VPS13B: variants seen among roughly 807,000 people sequenced by gnomAD.
The protein encoded by VPS13B is vacuolar protein sorting 13 homolog B.
A neutral mutation model predicts 426.4 loss-of-function variants in VPS13B; 285 were observed. The ratio of observed to expected loss-of-function variants is 0.67; its 90% CI spans 0.61 to 0.74. VPS13B has a LOEUF of 0.74. Among genes scored for constraint, VPS13B ranks in the 30% least tolerant of loss-of-function variants. The pLI is 0.00. For synonymous variants in VPS13B, 1,676 were observed against 1,676.4 expected (o/e 1.00, Z 0.01); for missense variants, 4,537 against 4,782.6 (o/e 0.95, Z 1.51).
intron 21 of VPS13B, among the ~76,000 whole-genome samples, chr8:99,399,470 G>A (rs927733578): frequency 1.3e-5 from 2 of 152,070 alleles, no homozygotes. Context: ...GTAGATGATT[G>A]TAGCCGTAGA....
chr8:99,233,896 C>T (rs561863087), intron 17 of VPS13B: 3 of 784,520 alleles, frequency 3.8e-6, no homozygotes, highest in Non-Finnish European at 7.1e-6. Flanking sequence ...CTTCAGAAGT[C>T]CCCTCTGGGG....
At chr8:99,286,472 A>G (rs1206516877) in intron 19 of VPS13B, among the ~76,000 whole-genome samples, 1 of 152,200 alleles carries the variant, frequency 6.6e-6, no homozygotes, top group African/African-American at 2.4e-5. Flanking sequence ...TTGATCAGTA[A>G]TATCAAAATA....
intron 25 of VPS13B, among the ~76,000 whole-genome samples, chr8:99,486,313 C>G (rs940123894): frequency 6.6e-6 from 1 of 151,984 alleles, no homozygotes; most frequent in Non-Finnish European, 1.5e-5. Context: ...GCAACCTCTG[C>G]CTTCCAGTTT....
chr8:99,809,991 A>C (rs954560405), intron 44 of VPS13B, among the ~76,000 whole-genome samples: 1 of 152,316 alleles, frequency 6.6e-6, no homozygotes, highest in East Asian at 1.9e-4. Flanking sequence ...CTGGGTCTCC[A>C]GCAAGCTTTT....
At chr8:99,754,723 T>G (rs1810555206) in intron 39 of VPS13B, among the ~76,000 whole-genome samples, 2 of 152,224 alleles carry the variant, frequency 1.3e-5, no homozygotes, top group Non-Finnish European at 2.9e-5. Flanking sequence ...GGGGAATATA[T>G]TTGGTTTTAT....
At chr8:99,494,781 A>G (rs1024601850) in intron 25 of VPS13B, among the ~76,000 whole-genome samples, 3 of 152,104 alleles carry the variant, frequency 2.0e-5, no homozygotes, top group Admixed American at 6.5e-5. Flanking sequence ...GAAGTTTACC[A>G]TAATTATCTC....
At chr8:99,734,682 AAGGATGAATC>A (rs1833748617) in intron 39 of VPS13B, among the ~76,000 whole-genome samples, 1 of 152,202 alleles carries the variant, frequency 6.6e-6, no homozygotes, top group Non-Finnish European at 1.5e-5. Context: ...TTACAGAGGA[AAGGATGAATC>A]AGGACATACT....
rs200451189 is a variant in VPS13B, at chr8:99,459,015, A to C, written c.3446-8399A>C. On this transcript the variant is annotated intron_variant, in intron 23 of 61. Transcript: ENST00000357162. ...TGCCCATGCCCATGTCCTGAATGGT[A>C]TTGCCTAGGTTTTCTTCTAGGGTTT... 3.1e-4 allele frequency among the ~76,000 whole-genome samples: 47 copies of C among 152,232 alleles called. No individual in the cohort carries two copies. The East Asian group carries it at 5.8e-3, about 19-fold the overall frequency.
intron 36 of VPS13B, among the ~76,000 whole-genome samples, chr8:99,713,122 A>G (rs990512550): frequency 3.9e-5 from 6 of 152,220 alleles, no homozygotes; most frequent in African/African-American, 1.4e-4. Flanking sequence ...ACCTAACATG[A>G]TCCAAATTCT....
intron 51 of VPS13B, among the ~76,000 whole-genome samples, chr8:99,824,359 C>G (rs998534782): frequency 6.6e-6 from 1 of 152,138 alleles, no homozygotes; most frequent in Admixed American, 6.5e-5. Context: ...CCTGGGGGAG[C>G]CATGCAGGCA....
chr8:99,715,959 T>C (rs1234556910), intron 36 of VPS13B, among the ~76,000 whole-genome samples: 2 of 152,146 alleles, frequency 1.3e-5, no homozygotes, highest in African/African-American at 2.4e-5. Context: ...GGGGCCTGTT[T>C]CTATTTCTTT....
rs962854437 is a variant in VPS13B at position 99,458,652 on chromosome 8, C to T, written c.3446-8762C>T. On this transcript the variant is annotated intron_variant, in intron 23 of 61. Transcript: ENST00000357162. ...GGTATCTCATTGTGGTTTTGATTTG[C>T]ACTTCTCTGATGGCCAGTGATGATG... 1.1e-3 allele frequency among the ~76,000 whole-genome samples: 167 copies of T among 152,274 alleles called. 2 individuals are homozygous for T. Among genetic ancestry groups the T allele is most frequent in the African/African-American group, 3.8e-3 (160 of 41,578 alleles).
rs868737226 is a variant in VPS13B, at chr8:99,274,158, A to C, written c.2516-40A>C. Reference sequence around the variant, plus strand: ...GGTGAAGGAATATAAAAATTATTTAAATTCAATCGGCTAGTACATTTGCAG... The same window carrying C: ...GGTGAAGGAATATAAAAATTATTTACATTCAATCGGCTAGTACATTTGCAG... On this transcript the variant is annotated intron_variant, in intron 17 of 61. Transcript: ENST00000357162. 6 of 1,613,116 alleles carry C rather than the reference A, an allele frequency of 3.7e-6. No homozygotes were observed. In the Middle Eastern group the frequency reaches 5.0e-4, roughly 133 times the overall value.
intron 3 of VPS13B, among the ~76,000 whole-genome samples, chr8:99,066,047 AATCAAT>A (rs1424402968): frequency 6.6e-6 from 1 of 152,262 alleles, no homozygotes; most frequent in African/African-American, 2.4e-5. Context: ...GGATAGGAAG[AATCAAT>A]ATCGTGAAAA....
At chr8:99,273,356 T>A (rs1818703416) in intron 17 of VPS13B, among the ~76,000 whole-genome samples, 1 of 151,248 alleles carries the variant, frequency 6.6e-6, no homozygotes, top group Admixed American at 6.6e-5. Context: ...TTAGTAGAGA[T>A]GGGGTTTCAC....
At chr8:99,077,459 C>T (rs764728031) in intron 3 of VPS13B, among the ~76,000 whole-genome samples, 9 of 151,886 alleles carry the variant, frequency 5.9e-5, no homozygotes, top group Admixed American at 1.3e-4. Flanking sequence ...CTTGGGTCCC[C>T]GTGCCTGGCC....
chr8:99,826,775 A>C (rs980564627), intron 51 of VPS13B, among the ~76,000 whole-genome samples: 3 of 152,268 alleles, frequency 2.0e-5, no homozygotes, highest in Middle Eastern at 3.4e-3. Flanking sequence ...TGTTTTTAGC[A>C]TGAAGGGGTG....
At chr8:99,818,966 C>CGGGGGGG in intron 47 of VPS13B, 78 bp downstream of exon 47, 1 of 93,686 alleles carries the variant, frequency 1.1e-5, no homozygotes. Context: ...CACTGGGGGG[C>CGGGGGGG]GGCGGGGGAG....
chr8:99,437,336 A>C (rs952395137), intron 22 of VPS13B, among the ~76,000 whole-genome samples: 1 of 152,056 alleles, frequency 6.6e-6, no homozygotes, highest in East Asian at 1.9e-4. Context: ...TGGAAGAAGG[A>C]GTTTCCATAC....
Sources: gnomAD v4.1 joint callset for allele counts (sites outside exome capture counted in the v4.1 genomes callset) on GRCh38, gnomAD v4.1.1 for gene constraint, MANE v1.5 for transcripts, NCBI Gene and HGNC (gene_info 2026-07-23, HGNC 2026-07-21) for gene names.